Variants in SUPT3H observed in about 807,000 individuals in gnomAD.
SUPT3H encodes transcription initiation protein SPT3 homolog.
SUPT3H carries 44 observed loss-of-function variants against 44.3 expected under a neutral mutation model. The observed-to-expected ratio is 0.99, with a 90% confidence interval of 0.78 to 1.28. SUPT3H has a LOEUF of 1.28. Among genes scored for constraint, SUPT3H ranks in the 50% most tolerant of loss-of-function variants. The pLI is 0.00. For synonymous variants in SUPT3H, 124 were observed against 125.6 expected (o/e 0.99, Z 0.09); for missense variants, 380 against 387.1 (o/e 0.98, Z 0.15).
At chr6:45,151,970 G>T (rs867568245) in intron 2 of SUPT3H, among the ~76,000 whole-genome samples, 1 of 151,956 alleles carries the variant, frequency 6.6e-6, no homozygotes, top group African/African-American at 2.4e-5. Flanking sequence ...TTGTTCCTGA[G>T]GGCTCAATTC....
chr6:45,137,135 T>C (rs911241797), intron 2 of SUPT3H, among the ~76,000 whole-genome samples: 2 of 152,090 alleles, frequency 1.3e-5, no homozygotes, highest in African/African-American at 4.8e-5. Flanking sequence ...CTAAGAATCC[T>C]AAATCCAGCA....
At chr6:45,086,488 G>A (rs1359254542) in intron 3 of SUPT3H, among the ~76,000 whole-genome samples, 2 of 151,952 alleles carry the variant, frequency 1.3e-5, no homozygotes, top group Non-Finnish European at 2.9e-5. Flanking sequence ...TATAATGCTT[G>A]CATGACTAAA....
At chr6:44,831,214 C>T (rs1768662987) in intron 10 of SUPT3H, among the ~76,000 whole-genome samples, 1 of 152,146 alleles carries the variant, frequency 6.6e-6, no homozygotes, top group Admixed American at 6.6e-5. Context: ...GCAGTTCACT[C>T]CAGATCAGTG....
intron 10 of SUPT3H, among the ~76,000 whole-genome samples, chr6:44,840,261 A>T (rs1770729548): frequency 6.6e-6 from 1 of 152,214 alleles, no homozygotes; most frequent in Non-Finnish European, 1.5e-5. Flanking sequence ...TCAAGGAATA[A>T]TTTCAACTAG....
chr6:45,120,976 A>G (rs1388684732), intron 2 of SUPT3H, among the ~76,000 whole-genome samples: 1 of 152,198 alleles, frequency 6.6e-6, no homozygotes, highest in Admixed American at 6.5e-5. Flanking sequence ...TCATACTATT[A>G]ATAGATTATA....
chr6:45,118,044 G>A (rs1801087622), intron 2 of SUPT3H, among the ~76,000 whole-genome samples: 1 of 151,928 alleles, frequency 6.6e-6, no homozygotes, highest in African/African-American at 2.4e-5. Flanking sequence ...ACTCTACTGA[G>A]AATAAACACA....
chr6:45,108,233 T>C (rs1030876984), intron 2 of SUPT3H, among the ~76,000 whole-genome samples: 1 of 152,192 alleles, frequency 6.6e-6, no homozygotes, highest in African/African-American at 2.4e-5. Flanking sequence ...AGCACTACTT[T>C]GGGAGGCCAA....
At chr6:44,816,005 A>G (rs1276553954) in intron 11 of SUPT3H, among the ~76,000 whole-genome samples, 1 of 152,138 alleles carries the variant, frequency 6.6e-6, no homozygotes, top group East Asian at 1.9e-4. Flanking sequence ...TAGAAAACCT[A>G]AAGGAACTGA....
chr6:45,022,029 GA>G (rs1253694390), intron 3 of SUPT3H, among the ~76,000 whole-genome samples: 16 of 151,900 alleles, frequency 1.1e-4, no homozygotes, highest in African/African-American at 3.9e-4. Flanking sequence ...TAGAGTGAGG[GA>G]AATATATGTG....
intron 6 of SUPT3H, among the ~76,000 whole-genome samples, chr6:44,970,580 T>C (rs575920450): frequency 0.018 from 2,677 of 152,266 alleles, 51 homozygotes; most frequent in South Asian, 0.086. Flanking sequence ...AACCCTTTTT[T>C]TTTTTTGGTG....
intron 4 of SUPT3H, among the ~76,000 whole-genome samples, chr6:45,019,650 T>C (rs1226609420): frequency 6.6e-6 from 1 of 152,026 alleles, no homozygotes; most frequent in Non-Finnish European, 1.5e-5. Context: ...GTTCTTTAGA[T>C]GCACATTATT....
At chr6:45,087,486 A>G (rs902918815) in intron 3 of SUPT3H, among the ~76,000 whole-genome samples, 1 of 151,850 alleles carries the variant, frequency 6.6e-6, no homozygotes, top group African/African-American at 2.4e-5. Flanking sequence ...ATTTCAGATA[A>G]AGAGTTTTCT....
intron 3 of SUPT3H, among the ~76,000 whole-genome samples, chr6:45,077,378 G>A (rs1275939301): frequency 6.6e-6 from 1 of 152,086 alleles, no homozygotes; most frequent in Admixed American, 6.6e-5. Flanking sequence ...TATAATCCCA[G>A]CACTTTGGCA....
chr6:44,899,601 C>T (rs1302490718), intron 10 of SUPT3H, among the ~76,000 whole-genome samples: 1 of 152,114 alleles, frequency 6.6e-6, no homozygotes, highest in African/African-American at 2.4e-5. Flanking sequence ...GCAGGAGAAT[C>T]GTTTGAACCC....
chr6:44,832,493 C>T (rs1282564314), intron 10 of SUPT3H, among the ~76,000 whole-genome samples: 3 of 152,032 alleles, frequency 2.0e-5, no homozygotes, highest in Non-Finnish European at 4.4e-5. Context: ...TTAGACCTCC[C>T]CAACAAACTG....
intron 2 of SUPT3H, among the ~76,000 whole-genome samples, chr6:45,284,788 C>CA (rs946351328): frequency 6.6e-6 from 1 of 151,868 alleles, no homozygotes; most frequent in African/African-American, 2.4e-5. Context: ...AGAGACACAA[C>CA]AAAAAAAGAG....
At chr6:45,085,747 T>C (rs926327563) in intron 3 of SUPT3H, among the ~76,000 whole-genome samples, 3 of 152,112 alleles carry the variant, frequency 2.0e-5, no homozygotes, top group African/African-American at 7.2e-5. Context: ...GACAACTTCA[T>C]TTGGCACTTT....
chr6:45,040,112 A>G (rs148704730), intron 3 of SUPT3H, among the ~76,000 whole-genome samples: 222 of 152,296 alleles, frequency 1.5e-3, no homozygotes, highest in African/African-American at 5.1e-3. Context: ...AAATATCATC[A>G]GCTTTTTAGG....
chr6:45,308,317 T>C (rs34485313), intron 2 of SUPT3H, among the ~76,000 whole-genome samples: 11,497 of 151,958 alleles, frequency 0.076, 875 homozygotes, highest in African/African-American at 0.18. Flanking sequence ...TAAGTTGAAA[T>C]GAAGGAAAAA....
Sources: gnomAD v4.1 joint callset for allele counts (sites outside exome capture counted in the v4.1 genomes callset) on GRCh38, gnomAD v4.1.1 for gene constraint, MANE v1.5 for transcripts, NCBI Gene and HGNC (gene_info 2026-07-23, HGNC 2026-07-21) for gene names.